The following MFSD6 variants were observed in gnomAD, a reference collection of about 807,000 sequenced individuals.
MFSD6 encodes major facilitator superfamily domain-containing protein 6.
In MFSD6, 26 loss-of-function variants were observed where a neutral mutation model predicts 56.3. That is an observed-to-expected ratio of 0.46 (90% CI 0.34 to 0.64). The LOEUF (loss-of-function observed/expected upper bound fraction) is 0.64. Ranked by LOEUF, MFSD6 falls within the 30% of genes least tolerant of loss-of-function variation. The pLI is 0.01. For missense variants in MFSD6, 750 were observed against 986.2 expected (o/e 0.76, Z 3.21); for synonymous variants, 331 against 366.9 (o/e 0.90, Z 1.12).
rs539722314 is a variant in MFSD6, at chr2:190,410,244, A to T, written c.-176+1741A>T. Among the ~76,000 whole-genome samples, 1 of 152,324 alleles carries T rather than the reference A, an allele frequency of 6.6e-6. No individual in the cohort carries two copies. Among genetic ancestry groups the T allele is most frequent in the Non-Finnish European group, 1.5e-5 (1 of 68,036 alleles). ...CAAGACACCATTGTAAACATTTAGT[A>T]TCTCAATCTCTGTAAGATAAATCTT... On this transcript the variant is annotated intron_variant, in intron 1 of 7. Coordinates refer to ENST00000392328, the MANE Select transcript of MFSD6 (RefSeq NM_017694.4). The surrounding 1 kb of genome is among the most constrained non-coding windows in gnomAD (Gnocchi z 4.4).
rs1687103076 is a variant in MFSD6, at chr2:190,457,450, G to A, written c.1533-12308G>A. 1.3e-5 allele frequency among the ~76,000 whole-genome samples: 2 copies of A among 152,228 alleles called. No homozygotes were observed. The highest frequency in any genetic ancestry group is 4.2e-4 in the South Asian group (2 of 4,818). On this transcript the variant is annotated intron_variant, in intron 3 of 7. Coordinates refer to ENST00000392328, the MANE Select transcript of MFSD6 (RefSeq NM_017694.4). The surrounding 1 kb of genome is among the most constrained non-coding windows in gnomAD (Gnocchi z 5.1). ...ACTCAGACTTTGCGTGTTTTTTGCT[G>A]ACAAGTCAAAAATGTGCACAAAGCC... is the stretch of plus-strand genomic sequence containing the variant.
At position 190,477,171 on chromosome 2, in the gene MFSD6, T is replaced by A. The variant is rs1002285138; in HGVS notation, c.1630+7316T>A. 3 of 765,068 alleles carry A rather than the reference T, an allele frequency of 3.9e-6. No individual in the cohort carries two copies. The African/African-American group carries it at 5.7e-5, about 14-fold the overall frequency. The allele number at this position is 765,068 out of a possible 1,614,324, so 47.4% of individuals were successfully genotyped here. On this transcript the variant is annotated intron_variant, in intron 4 of 7. Coordinates refer to ENST00000392328, the MANE Select transcript of MFSD6 (RefSeq NM_017694.4). ...TATACATATGTAACAAACCTGCACG[T>A]TGTGCACATGTACCCTAAAACTTAA...
chr2:190,473,542 C>A (rs1201184680), intron 4 of MFSD6, among the ~76,000 whole-genome samples: 4 of 152,234 alleles, frequency 2.6e-5, no homozygotes, highest in South Asian at 4.1e-4. Context: ...TATATATGCA[C>A]CCAATACAGG....
In MFSD6 at chr2:190,443,323, T is replaced by G. The variant is rs1361491464; in HGVS notation, c.1532+5762T>G. On this transcript the variant is annotated intron_variant, in intron 3 of 7. Coordinates refer to ENST00000392328, the MANE Select transcript of MFSD6 (RefSeq NM_017694.4). The surrounding 1 kb of genome is among the most constrained non-coding windows in gnomAD (Gnocchi z 4.2). Reference sequence around the variant, plus strand: ...TACAGAACTTTTTGCATCTCTGTATTGTTATCTATAAATAGGGATATTATT... The same window carrying G: ...TACAGAACTTTTTGCATCTCTGTATGGTTATCTATAAATAGGGATATTATT... Among the ~76,000 whole-genome samples, 1 of 152,256 alleles carries G rather than the reference T, an allele frequency of 6.6e-6. No individual in the cohort carries two copies. Among genetic ancestry groups the G allele is most frequent in the Non-Finnish European group, 1.5e-5 (1 of 68,046 alleles).
intron 4 of MFSD6, chr2:190,477,409 A>T (rs964257909): frequency 1.1e-6 from 1 of 940,498 alleles, no homozygotes; most frequent in African/African-American, 1.8e-5. Context: ...ATGACTATAT[A>T]TTATAATAAT....
chr2:190,425,997 G>C lies in MFSD6; in HGVS notation c.-53-9980G>C, dbSNP rs529243738. Among the ~76,000 whole-genome samples the C allele has an allele frequency of 3.9e-5, 6 of 152,158 alleles. No individual in the cohort carries two copies. The South Asian group carries it at 1.2e-3, about 32-fold the overall frequency. On this transcript the variant is annotated intron_variant, in intron 2 of 7. Coordinates refer to ENST00000392328, the MANE Select transcript of MFSD6 (RefSeq NM_017694.4). This position sits in a 1 kb window ranked among gnomAD's most constrained non-coding sequence, Gnocchi z 4.3. The stretch of plus-strand genomic sequence containing the variant: ...TTCAAAATTTTTTTCCTTGCCTTTA[G>C]TTTTTAGAAGTTTGACTGATGAGTT...
At chr2:190,473,346 C>T (rs1029167626) in intron 4 of MFSD6, among the ~76,000 whole-genome samples, 1 of 152,180 alleles carries the variant, frequency 6.6e-6, no homozygotes, top group African/African-American at 2.4e-5. Flanking sequence ...AAACCCATCT[C>T]ACGTGCAGAA....
At position 190,462,235 on chromosome 2, in the gene MFSD6, T is replaced by C. The variant is rs1687367874; in HGVS notation, c.1533-7523T>C. ...GAAATGGGAACAGAATAACCATTGT[T>C]TTAAGAGATTTACCTCATGGTTCTC... On this transcript the variant is annotated intron_variant, in intron 3 of 7. Transcript: ENST00000392328. This position sits in a 1 kb window ranked among gnomAD's most constrained non-coding sequence, Gnocchi z 5.7. 6.6e-6 allele frequency among the ~76,000 whole-genome samples: 1 copy of C among 152,124 alleles called. No homozygotes were observed. The highest frequency in any genetic ancestry group is 1.5e-5 in the Non-Finnish European group (1 of 68,020).
intron 4 of MFSD6, among the ~76,000 whole-genome samples, chr2:190,476,581 T>C (rs1688330536): frequency 6.6e-6 from 1 of 152,078 alleles, no homozygotes; most frequent in Admixed American, 6.5e-5. Context: ...TGTGGAGAAA[T>C]AGGAACACTT....
chr2:190,421,753 A>T (rs1446721424), intron 2 of MFSD6, among the ~76,000 whole-genome samples: 1 of 152,018 alleles, frequency 6.6e-6, no homozygotes, highest in Admixed American at 6.6e-5. Context: ...TAAAGATGGG[A>T]TCTCACTATG....
chr2:190,419,003 G>A (rs921616782), intron 2 of MFSD6, among the ~76,000 whole-genome samples: 1 of 152,232 alleles, frequency 6.6e-6, no homozygotes, highest in African/African-American at 2.4e-5. Flanking sequence ...TACCCTGAAA[G>A]GAAGAGGAAG....
chr2:190,433,093 T>A lies in MFSD6; in HGVS notation c.-53-2884T>A, dbSNP rs1221216553. Among the ~76,000 whole-genome samples the A allele has an allele frequency of 6.6e-6, 1 of 152,206 alleles. No individual in the cohort carries two copies. The highest frequency in any genetic ancestry group is 1.5e-5 in the Non-Finnish European group (1 of 68,038). The stretch of plus-strand genomic sequence containing the variant: ...TTATGTGCCCTTTAATCTTTCTAGC[T>A]TGAATTATGACTTTTACAGTGTGTG... On this transcript the variant is annotated intron_variant, in intron 2 of 7. Coordinates refer to ENST00000392328, the MANE Select transcript of MFSD6 (RefSeq NM_017694.4). This position sits in a 1 kb window ranked among gnomAD's most constrained non-coding sequence, Gnocchi z 4.5.
Position 190,434,904 on chromosome 2 carries a change from A to G in MFSD6, c.-53-1073A>G, listed in dbSNP as rs551274374. On this transcript the variant is annotated intron_variant, in intron 2 of 7. Coordinates refer to ENST00000392328, the MANE Select transcript of MFSD6 (RefSeq NM_017694.4). This position sits in a 1 kb window ranked among gnomAD's most constrained non-coding sequence, Gnocchi z 4.3. ...AGAGCGGGCCAGCAAGCATTATCAC[A>G]TGAGCTCTTCCTCCTGTCAGATCAG... 6.6e-6 allele frequency among the ~76,000 whole-genome samples: 1 copy of G among 152,198 alleles called. No homozygotes were observed. The highest frequency in any genetic ancestry group is 1.5e-5 in the Non-Finnish European group (1 of 68,040).
In MFSD6 at chr2:190,426,349, A is replaced by G. The variant is rs1436630153; in HGVS notation, c.-53-9628A>G. On this transcript the variant is annotated intron_variant, in intron 2 of 7. Transcript: ENST00000392328. This position sits in a 1 kb window ranked among gnomAD's most constrained non-coding sequence, Gnocchi z 4.7. ...TTATTAAGTGTATCCATTAAGATTT[A>G]TTTTTGTGGTTGTATTTTCCAGTTA... 1.3e-5 allele frequency among the ~76,000 whole-genome samples: 2 copies of G among 151,574 alleles called. No individual in the cohort carries two copies. The highest frequency in any genetic ancestry group is 2.9e-5 in the Non-Finnish European group (2 of 67,840).
intron 2 of MFSD6, among the ~76,000 whole-genome samples, chr2:190,430,820 A>ACGGGGCGGCCGG (rs1685953484): frequency 1.6e-5 from 1 of 63,832 alleles, no homozygotes; most frequent in South Asian, 5.1e-4. Context: ...TCCCTCCCGG[A>ACGGGGCGGCCGG]CGGGGCGGCC....
intron 2 of MFSD6, among the ~76,000 whole-genome samples, chr2:190,421,999 C>T (rs1473802824): frequency 6.6e-6 from 1 of 152,150 alleles, no homozygotes; most frequent in East Asian, 1.9e-4. Context: ...TCTCTGACTT[C>T]CCAATGTAGC....
At position 190,490,097 on chromosome 2, in the gene MFSD6, GTTTTC is replaced by G. The variant is rs1425759666; in HGVS notation, c.1891+236_1891+240del. 6.6e-6 allele frequency among the ~76,000 whole-genome samples: 1 copy of G among 151,806 alleles called. No individual in the cohort carries two copies. The highest frequency in any genetic ancestry group is 2.4e-5 in the African/African-American group (1 of 41,340). Reference sequence around the variant, plus strand: ...GGGTTTTCTTGTTTTTTGTTTGTTTGTTTTCTTTTATAATACAAGGTACTAGGGAA... The same window carrying G: ...GGGTTTTCTTGTTTTTTGTTTGTTTGTTTTATAATACAAGGTACTAGGGAA... On this transcript the variant is annotated intron_variant, in intron 6 of 7. Transcript: ENST00000392328. The surrounding 1 kb of genome is among the most constrained non-coding windows in gnomAD (Gnocchi z 4.5).
chr2:190,451,973 T>C lies in MFSD6; in HGVS notation c.1532+14412T>C, dbSNP rs981768439. ...TCCATTTTTCTTCATTCTCTGAGTT[T>C]TAGAGAAATTACAAGCTGTGCTGTT... On this transcript the variant is annotated intron_variant, in intron 3 of 7. Coordinates refer to ENST00000392328, the MANE Select transcript of MFSD6 (RefSeq NM_017694.4). This position sits in a 1 kb window ranked among gnomAD's most constrained non-coding sequence, Gnocchi z 5.0. 2.6e-5 allele frequency among the ~76,000 whole-genome samples: 4 copies of C among 152,220 alleles called. No homozygotes were observed. Among genetic ancestry groups the C allele is most frequent in the African/African-American group, 9.6e-5 (4 of 41,454 alleles).
Position 190,499,928 on chromosome 2 carries a change from T to G in MFSD6, c.2173-87T>G. 1.3e-6 allele frequency: 2 copies of G among 1,592,050 alleles called. No homozygotes were observed. The highest frequency in any genetic ancestry group is 1.1e-5 in the South Asian group (1 of 88,302). On this transcript the variant is annotated intron_variant, in intron 7 of 7. Transcript: ENST00000392328. The surrounding 1 kb of genome is among the most constrained non-coding windows in gnomAD (Gnocchi z 6.0). ...GGCACTTCCGGATGATCTCCCCATG[T>G]TTCCTGTCTTACTTGAAAGCATATA...
Sources: gnomAD v4.1 joint callset for allele counts (sites outside exome capture counted in the v4.1 genomes callset) on GRCh38, gnomAD v4.1.1 for gene constraint, Gnocchi (gnomAD v3.1) non-coding constraint, MANE v1.5 for transcripts, NCBI Gene and HGNC (gene_info 2026-07-23, HGNC 2026-07-21) for gene names.